The following STRN3 variants were observed in gnomAD, a reference collection of about 807,000 sequenced individuals.
STRN3 encodes the protein striatin 3, also known as striatin-3.
A neutral mutation model predicts 95.6 loss-of-function variants in STRN3; 29 were observed. That is an observed-to-expected ratio of 0.30 (90% CI 0.23 to 0.41). STRN3 has a LOEUF of 0.41. Ranked by LOEUF, STRN3 falls within the 10% of genes least tolerant of loss-of-function variation. The pLI, the probability that STRN3 is intolerant of heterozygous loss-of-function variation, is 1.00. For synonymous variants in STRN3, 331 were observed against 357.6 expected (o/e 0.93, Z 0.84); for missense variants, 890 against 972.1 (o/e 0.92, Z 1.12).
chr14:30,957,695 T>C (rs185394244), intron 1 of STRN3, among the ~76,000 whole-genome samples: 1 of 152,274 alleles, frequency 6.6e-6, no homozygotes, highest in African/African-American at 2.4e-5. Flanking sequence ...ATTCTCTGCC[T>C]TTTTCTAGCC....
At position 30,894,960 on chromosome 14, in the gene STRN3, A is replaced by T; in HGVS notation, c.*451T>A. On this transcript the variant is annotated 3_prime_UTR_variant, in exon 18 of 18. Transcript: ENST00000357479. ...CTGTGGCATTCAACCGATAAACAGAAGATCACTAAGAGATGAAAAAAAGCT... is the reference window on the plus strand; with the variant it reads ...CTGTGGCATTCAACCGATAAACAGATGATCACTAAGAGATGAAAAAAAGCT... 2.8e-6 allele frequency: 3 copies of T among 1,067,842 alleles called. No individual in the cohort carries two copies. Among genetic ancestry groups the T allele is most frequent in the Non-Finnish European group, 3.5e-6 (3 of 849,106 alleles). 66.1% of individuals were successfully genotyped at this position (1,067,842 alleles called of 1,614,324 possible).
chr14:30,983,652 C>T (rs1881520883), intron 1 of STRN3, among the ~76,000 whole-genome samples: 1 of 152,098 alleles, frequency 6.6e-6, no homozygotes, highest in Non-Finnish European at 1.5e-5. Flanking sequence ...CTACTCTACA[C>T]TAATTCAGTA....
intron 1 of STRN3, among the ~76,000 whole-genome samples, chr14:30,992,588 AAAAG>A (rs1287270904): frequency 1.3e-5 from 2 of 150,224 alleles, no homozygotes; most frequent in Non-Finnish European, 3.0e-5. Context: ...AAAAAAAAAA[AAAAG>A]ATGGGGTCGG....
chr14:30,981,888 A>G (rs929743361), intron 1 of STRN3, among the ~76,000 whole-genome samples: 1 of 152,076 alleles, frequency 6.6e-6, no homozygotes, highest in Admixed American at 6.6e-5. Context: ...TGCAGTCAGG[A>G]GTTCGAGACC....
intron 1 of STRN3, 126 bp downstream of exon 1, chr14:31,025,778 A>G: frequency 7.6e-7 from 1 of 1,322,634 alleles, no homozygotes; most frequent in African/African-American, 1.5e-5. Flanking sequence ...TCACAACCTG[A>G]GCAGCACAGG....
At chr14:31,012,464 T>G (rs1228999021) in intron 1 of STRN3, among the ~76,000 whole-genome samples, 1 of 152,218 alleles carries the variant, frequency 6.6e-6, no homozygotes, top group Non-Finnish European at 1.5e-5. Flanking sequence ...GCAGCAAGAC[T>G]GACTGCTCAC....
chr14:30,979,033 CAAAAAAAAAAAAAAA>C (rs10585744), intron 1 of STRN3, among the ~76,000 whole-genome samples: 14 of 65,464 alleles, frequency 2.1e-4, no homozygotes, highest in Admixed American at 1.2e-3. Context: ...GACTCCATCT[CAAAAAAAAAAAAAAA>C]AAAAAAAAAA....
chr14:30,898,345 A>C (rs956261104), intron 16 of STRN3, among the ~76,000 whole-genome samples: 6 of 152,164 alleles, frequency 3.9e-5, no homozygotes, highest in African/African-American at 4.8e-5. Flanking sequence ...CTATCTCCTA[A>C]GTTTAACATC....
intron 5 of STRN3, among the ~76,000 whole-genome samples, chr14:30,945,137 T>A (rs1414099992): frequency 2.0e-5 from 3 of 152,190 alleles, no homozygotes; most frequent in Non-Finnish European, 4.4e-5. Context: ...TCCGTATTCA[T>A]CAAAAGTATA....
chr14:30,949,285 G>A (rs1879520328), intron 4 of STRN3, among the ~76,000 whole-genome samples: 1 of 152,016 alleles, frequency 6.6e-6, no homozygotes, highest in African/African-American at 2.4e-5. Context: ...TTTTTGAATG[G>A]TAAGAAACTA....
chr14:30,960,085 G>T (rs572256349), intron 1 of STRN3, among the ~76,000 whole-genome samples: 1 of 152,184 alleles, frequency 6.6e-6, no homozygotes, highest in Admixed American at 6.5e-5. Context: ...CCGAGTACAG[G>T]GGGCTCATGC....
chr14:30,969,834 A>G (rs1186458934), intron 1 of STRN3, among the ~76,000 whole-genome samples: 1 of 152,150 alleles, frequency 6.6e-6, no homozygotes, highest in Non-Finnish European at 1.5e-5. Context: ...TTTCCAGTAA[A>G]CCAGCACCAG....
intron 1 of STRN3, among the ~76,000 whole-genome samples, chr14:30,987,777 GC>G (rs1242384156): frequency 6.7e-6 from 1 of 148,164 alleles, no homozygotes; most frequent in Non-Finnish European, 1.5e-5. Context: ...TCGTTCTGTT[GC>G]CCAGGCTGGA....
At chr14:31,003,926 C>T (rs1882595177) in intron 1 of STRN3, among the ~76,000 whole-genome samples, 1 of 151,328 alleles carries the variant, frequency 6.6e-6, no homozygotes, top group East Asian at 2.0e-4. Context: ...ACAGAGGCCT[C>T]CCAGGCACTT....
At chr14:31,020,434 G>A (rs1883450737) in intron 1 of STRN3, among the ~76,000 whole-genome samples, 1 of 152,024 alleles carries the variant, frequency 6.6e-6, no homozygotes, top group Non-Finnish European at 1.5e-5. Context: ...AGGAAGTGGA[G>A]GTTGCAGTGA....
chr14:30,992,065 G>A (rs146167239), intron 1 of STRN3, among the ~76,000 whole-genome samples: 58 of 151,576 alleles, frequency 3.8e-4, no homozygotes, highest in African/African-American at 1.4e-3. Context: ...AGAGATAATA[G>A]TATATGGAAA....
intron 7 of STRN3, 63 bp downstream of exon 7, chr14:30,935,100 T>A: frequency 6.3e-7 from 1 of 1,579,466 alleles, no homozygotes. Context: ...CATATAATAT[T>A]TAATAATAAC....
At chr14:30,993,383 C>G (rs1882055563) in intron 1 of STRN3, among the ~76,000 whole-genome samples, 1 of 152,008 alleles carries the variant, frequency 6.6e-6, no homozygotes. Flanking sequence ...CTATATCACA[C>G]TGAAGAGTAA....
At chr14:30,994,284 AC>A (rs534267909) in intron 1 of STRN3, among the ~76,000 whole-genome samples, 169 of 152,264 alleles carry the variant, frequency 1.1e-3, no homozygotes, top group African/African-American at 3.5e-3. Flanking sequence ...AGCCACGGCC[AC>A]CCAGCCCAAT....
Sources: gnomAD v4.1 joint callset for allele counts (sites outside exome capture counted in the v4.1 genomes callset) on GRCh38, gnomAD v4.1.1 for gene constraint, MANE v1.5 for transcripts, NCBI Gene and HGNC (gene_info 2026-07-23, HGNC 2026-07-21) for gene names.